Variants in C6orf118 observed in about 807,000 individuals in gnomAD.
C6orf118 encodes uncharacterized protein C6orf118.
A neutral mutation model predicts 50.2 loss-of-function variants in C6orf118; 50 were observed. That is an observed-to-expected ratio of 1.00 (90% CI 0.79 to 1.26). C6orf118 has a LOEUF of 1.26. C6orf118 is among the 50% of genes most tolerant of loss of function. The pLI is 0.00. For missense variants in C6orf118, 641 were observed against 578.7 expected (o/e 1.11, Z -1.10); for synonymous variants, 239 against 230.9 (o/e 1.03, Z -0.32).
intron 5 of C6orf118, among the ~76,000 whole-genome samples, chr6:165,295,410 C>T (rs1780254381): frequency 6.6e-6 from 1 of 152,088 alleles, no homozygotes; most frequent in Non-Finnish European, 1.5e-5. Context: ...CTACAGTTTT[C>T]TTCTTGTTCA....
intron 1 of C6orf118, 126 bp from the exon 2 acceptor site, chr6:165,302,422 G>T: frequency 1.6e-6 from 2 of 1,214,204 alleles, no homozygotes; most frequent in Non-Finnish European, 2.3e-6. Context: ...GACGAACAGA[G>T]TACATGGCCC....
In C6orf118 at chr6:165,299,347, T is replaced by A. The variant is rs753645185; in HGVS notation, c.936+96A>T. 76 of 1,051,856 alleles carry A rather than the reference T, an allele frequency of 7.2e-5. 1 individual carries two copies. The highest frequency in any genetic ancestry group is 1.0e-4 in the Non-Finnish European group (70 of 682,346). The allele number at this position is 1,051,856 out of a possible 1,614,324, so 65.2% of individuals were successfully genotyped here. A position where few individuals can be genotyped will look rare whatever the true frequency, so the allele number is the denominator to read the frequency against. On this transcript the variant is annotated intron_variant, in intron 4 of 8. Transcript: ENST00000230301. The stretch of plus-strand genomic sequence containing the variant: ...GCTATTCTAAATTATGGGGCACACA[T>A]GGGGCTTCTTGGATTCAGAAAGGTT...
intron 7 of C6orf118, among the ~76,000 whole-genome samples, chr6:165,285,341 CTAA>C (rs953100735): frequency 1.3e-4 from 19 of 151,454 alleles, no homozygotes; most frequent in Non-Finnish European, 7.4e-5. Context: ...TACAAAGTCT[CTAA>C]TAATAGTGGG....
intron 7 of C6orf118, among the ~76,000 whole-genome samples, chr6:165,285,054 C>T (rs1046849808): frequency 6.6e-6 from 1 of 152,152 alleles, no homozygotes; most frequent in South Asian, 2.1e-4. Context: ...CATCAGTGTG[C>T]TGTATTCAAT....
intron 5 of C6orf118, 97 bp downstream of exon 5, chr6:165,297,880 A>C: frequency 1.3e-6 from 2 of 1,536,108 alleles, no homozygotes; most frequent in Non-Finnish European, 1.8e-6. Flanking sequence ...GTTTTCAGCA[A>C]CGCAGAAATC....
intron 1 of C6orf118, among the ~76,000 whole-genome samples, chr6:165,307,228 A>G (rs1780771001): frequency 2.3e-5 from 1 of 44,164 alleles, no homozygotes. Flanking sequence ...CACCCCACCA[A>G]CCCCAGAATA....
chr6:165,286,242 C>T (rs1583002614), intron 7 of C6orf118, among the ~76,000 whole-genome samples: 1 of 152,126 alleles, frequency 6.6e-6, no homozygotes, highest in East Asian at 1.9e-4. Context: ...AAGTGAATCC[C>T]TGAATAGACC....
intron 7 of C6orf118, among the ~76,000 whole-genome samples, chr6:165,283,449 TC>T (rs1463718695): frequency 2.6e-5 from 4 of 152,084 alleles, no homozygotes; most frequent in Non-Finnish European, 5.9e-5. Flanking sequence ...CAAGGGGGAC[TC>T]CCCCAAGCGC....
intron 7 of C6orf118, among the ~76,000 whole-genome samples, chr6:165,289,548 A>C (rs1780033975): frequency 6.6e-6 from 1 of 152,154 alleles, no homozygotes; most frequent in Non-Finnish European, 1.5e-5. Flanking sequence ...CGGTGTACCC[A>C]GTAGGTAGTA....
At chr6:165,300,325 A>T in intron 3 of C6orf118, 39 bp downstream of exon 3, 1 of 1,610,876 alleles carries the variant, frequency 6.2e-7, no homozygotes, top group Non-Finnish European at 8.5e-7. Flanking sequence ...ACCTCATGCA[A>T]GCTTCTCAAC....
At chr6:165,299,396 C>G in intron 4 of C6orf118, 47 bp downstream of exon 4, 3 of 1,557,244 alleles carry the variant, frequency 1.9e-6, no homozygotes, top group East Asian at 2.2e-5. Context: ...AAATATGAAG[C>G]TATGGATAAG....
chr6:165,302,247 A>G lies in C6orf118; in HGVS notation c.75T>C (p.Cys25=). The change falls in exon 2 of 9, where the codon TGT becomes TGC. Residue 25 remains cysteine (C), a synonymous_variant. Transcript: ENST00000230301. ...CTGGCGTCTCGCAGTGCTTCAGATT[A>G]CACAGGGTCTTCACGCCTGGCGTCT... ...HCETPGVKTL[C]NLKHCETPGV... 2 of 1,613,940 alleles carry G rather than the reference A, an allele frequency of 1.2e-6. No homozygotes were observed. The highest frequency in any genetic ancestry group is 4.5e-5 in the East Asian group (2 of 44,870).
At chr6:165,307,493 G>T (rs529340354) in intron 1 of C6orf118, among the ~76,000 whole-genome samples, 1 of 151,848 alleles carries the variant, frequency 6.6e-6, no homozygotes. Flanking sequence ...GGGAGGTGGA[G>T]GTTGCAGTGA....
chr6:165,304,781 C>A (rs1780665791), intron 1 of C6orf118, among the ~76,000 whole-genome samples: 1 of 80,830 alleles, frequency 1.2e-5, no homozygotes, highest in Non-Finnish European at 2.2e-5. Context: ...TGAAGGACCT[C>A]TTCAAGGAGA....
intron 7 of C6orf118, among the ~76,000 whole-genome samples, chr6:165,287,314 T>C (rs1424830921): frequency 6.6e-6 from 1 of 152,164 alleles, no homozygotes. Context: ...TCCATGCTCA[T>C]GGATAGGAAG....
In C6orf118 at chr6:165,300,471, A is replaced by G; in HGVS notation, c.769T>C (p.Cys257Arg). Residue 257 changes from cysteine to arginine, a missense_variant, in exon 3 of 9, where the codon TGC becomes CGC. Coordinates refer to ENST00000230301, the MANE Select transcript of C6orf118 (RefSeq NM_144980.4). ...TTGAACTGCTGGGGGCTGCACGTGC[A>G]AATTTTCTGGAGCTCCTGGAGGAAA... ...RKLQQELQKI[C>R]TCSPQQFNRL... 3.1e-6 allele frequency: 5 copies of G among 1,611,814 alleles called. No homozygotes were observed. Among genetic ancestry groups the G allele is most frequent in the Non-Finnish European group, 4.2e-6 (5 of 1,178,972 alleles).
chr6:165,291,295 G>C (rs1388925260), intron 6 of C6orf118, among the ~76,000 whole-genome samples: 2 of 152,176 alleles, frequency 1.3e-5, no homozygotes, highest in Non-Finnish European at 2.9e-5. Context: ...ATGTAGAGAA[G>C]GCAATGTCAA....
chr6:165,299,628 G>A (rs955548823), intron 3 of C6orf118, 126 bp from the exon 4 acceptor site: 4 of 685,004 alleles, frequency 5.8e-6, no homozygotes, highest in African/African-American at 1.8e-5. Context: ...AATATAAAAT[G>A]TTCCCACAAT....
At chr6:165,296,250 GTTTTTTTTTTT>G (rs56394079) in intron 5 of C6orf118, among the ~76,000 whole-genome samples, 12 of 103,390 alleles carry the variant, frequency 1.2e-4, no homozygotes, top group Non-Finnish European at 1.8e-4. Flanking sequence ...TTCGTTTTTT[GTTTTTTTTTTT>G]TTTTTTTTTT....
Sources: allele counts gnomAD v4.1 joint callset (sites outside exome capture counted in the v4.1 genomes callset), GRCh38; gene constraint gnomAD v4.1.1; transcripts MANE v1.5; gene names NCBI Gene and HGNC (gene_info 2026-07-23, HGNC 2026-07-21).